Variants in NFAM1 observed in about 807,000 individuals in gnomAD.
NFAM1 encodes NFAT activating protein with ITAM motif 1.
In NFAM1, 17 loss-of-function variants were observed where a neutral mutation model predicts 29.0. The ratio of observed to expected loss-of-function variants is 0.59; its 90% CI spans 0.40 to 0.88. The LOEUF (loss-of-function observed/expected upper bound fraction) is 0.88. NFAM1 is among the 40% of genes least tolerant of loss of function. The probability of loss-of-function intolerance (pLI) is 0.00; values close to 1 mark genes in which losing one functional copy is unlikely to be tolerated. For synonymous variants in NFAM1, 175 were observed against 147.2 expected (o/e 1.19, Z -1.36); for missense variants, 324 against 344.6 (o/e 0.94, Z 0.47).
chr22:42,437,141 C>CTTTTTTTTTTT (rs566611914), upstream of NFAM1: 1 of 153,746 alleles, frequency 6.5e-6, no homozygotes. Context: ...TTCTTTTTGT[C>CTTTTTTTTTTT]TTTTTTTTTT....
chr22:42,428,066 A>G (rs1362484298), intron 1 of NFAM1, among the ~76,000 whole-genome samples: 1 of 152,244 alleles, frequency 6.6e-6, no homozygotes, highest in African/African-American at 2.4e-5. Context: ...GCAGTGAGAC[A>G]GGACCCGCTG....
intron 4 of NFAM1, among the ~76,000 whole-genome samples, chr22:42,395,106 GGAGGTT>G (rs1487871508): frequency 2.0e-5 from 3 of 151,954 alleles, no homozygotes; most frequent in Admixed American, 2.0e-4. Flanking sequence ...ACCGGGAGGT[GGAGGTT>G]GAAGTAAGCC....
intron 1 of NFAM1, among the ~76,000 whole-genome samples, chr22:42,421,679 G>A (rs1045660082): frequency 2.6e-5 from 4 of 152,134 alleles, no homozygotes; most frequent in African/African-American, 9.7e-5. Flanking sequence ...TCAAGGGCGT[G>A]AGGACCCAGA....
In NFAM1 at chr22:42,384,833, G is replaced by C. The variant is rs1195082036; in HGVS notation, c.*328C>G. The C allele has an allele frequency of 2.3e-6, 1 of 426,664 alleles. No individual in the cohort carries two copies. The highest frequency in any genetic ancestry group is 4.7e-5 in the East Asian group (1 of 21,060). The allele number at this position is 426,664 out of a possible 1,614,324, so 26.4% of individuals were successfully genotyped here. A position where few individuals can be genotyped will look rare whatever the true frequency, so the allele number is the denominator to read the frequency against. Reference sequence around the variant, plus strand: ...AGAGCATGCTGCTCTGTCAGCATGAGGCAGTGAGCAGGGCTCTGGGCAAGG... The same window carrying C: ...AGAGCATGCTGCTCTGTCAGCATGACGCAGTGAGCAGGGCTCTGGGCAAGG... On this transcript the variant is annotated 3_prime_UTR_variant, in exon 6 of 6. Transcript: ENST00000329021.
intron 5 of NFAM1, among the ~76,000 whole-genome samples, chr22:42,386,096 C>T (rs12484885): frequency 0.12 from 18,065 of 152,056 alleles, 1,397 homozygotes; most frequent in Admixed American, 0.26. Flanking sequence ...AAGTATGGGC[C>T]GGGCGCGGTG....
upstream of NFAM1, among the ~76,000 whole-genome samples, chr22:42,435,472 C>T (rs923711130): frequency 6.6e-6 from 1 of 151,960 alleles, no homozygotes; most frequent in Non-Finnish European, 1.5e-5. Flanking sequence ...CTCAGCCTCC[C>T]GAGTAGCTGG....
At chr22:42,423,303 A>T (rs1346812020) in intron 1 of NFAM1, among the ~76,000 whole-genome samples, 1 of 151,946 alleles carries the variant, frequency 6.6e-6, no homozygotes, top group South Asian at 2.1e-4. Flanking sequence ...GAGTCCAGAC[A>T]GGGGGGCCCA....
chr22:42,433,335 C>T (rs572083478), upstream of NFAM1, among the ~76,000 whole-genome samples: 4 of 152,186 alleles, frequency 2.6e-5, no homozygotes, highest in Non-Finnish European at 5.9e-5. Context: ...TGAGCGCTTA[C>T]CTCCCTTCTC....
At chr22:42,436,917 A>C, upstream of NFAM1, 1 of 674,758 alleles carries the variant, frequency 1.5e-6, no homozygotes, top group Non-Finnish European at 1.8e-6. Context: ...TATACGCCTC[A>C]GCTGACATAT....
intron 1 of NFAM1, among the ~76,000 whole-genome samples, chr22:42,417,035 C>G (rs745671019): frequency 6.6e-6 from 1 of 152,136 alleles, no homozygotes; most frequent in African/African-American, 2.4e-5. Context: ...ACCGCAAGCA[C>G]GCAGAGCCCA....
chr22:42,425,521 A>C (rs968264441), intron 1 of NFAM1, among the ~76,000 whole-genome samples: 4 of 149,966 alleles, frequency 2.7e-5, no homozygotes, highest in South Asian at 2.1e-4. Flanking sequence ...TCCCCTCCTT[A>C]CCCTTCCACT....
intron 2 of NFAM1, among the ~76,000 whole-genome samples, chr22:42,410,110 C>T (rs1601749897): frequency 6.6e-6 from 1 of 152,198 alleles, no homozygotes; most frequent in South Asian, 2.1e-4. Context: ...TTCCCCAGCA[C>T]TGCCTATTGT....
At chr22:42,394,265 C>G (rs1297324154) in intron 4 of NFAM1, among the ~76,000 whole-genome samples, 1 of 151,968 alleles carries the variant, frequency 6.6e-6, no homozygotes, top group African/African-American at 2.4e-5. Flanking sequence ...CTCAAACTCC[C>G]CACCTCAGGT....
intron 1 of NFAM1, among the ~76,000 whole-genome samples, chr22:42,416,161 T>C (rs1230049091): frequency 6.6e-6 from 1 of 152,172 alleles, no homozygotes; most frequent in African/African-American, 2.4e-5. Context: ...AGGCGGCAAC[T>C]ATTGCAACCG....
At chr22:42,433,351 G>C (rs930609355), upstream of NFAM1, among the ~76,000 whole-genome samples, 1 of 152,162 alleles carries the variant, frequency 6.6e-6, no homozygotes, top group East Asian at 1.9e-4. Context: ...TTCTCTGCAG[G>C]TGTCCCTTCA....
At chr22:42,385,559 CG>C (rs1929109168) in intron 5 of NFAM1, among the ~76,000 whole-genome samples, 2 of 152,152 alleles carry the variant, frequency 1.3e-5, no homozygotes, top group African/African-American at 4.8e-5. Context: ...ACTCTGCCTG[CG>C]GGCTCATCAT....
intron 5 of NFAM1, among the ~76,000 whole-genome samples, chr22:42,385,936 C>A (rs921751291): frequency 2.0e-5 from 3 of 152,230 alleles, no homozygotes; most frequent in African/African-American, 7.2e-5. Context: ...GGCTCCTGTT[C>A]TGGCTGAACA....
upstream of NFAM1, among the ~76,000 whole-genome samples, chr22:42,432,953 G>A (rs1348143044): frequency 6.6e-6 from 1 of 151,992 alleles, no homozygotes; most frequent in Non-Finnish European, 1.5e-5. Context: ...GAACCTCTGT[G>A]GGTCCCCTGC....
At position 42,411,612 on chromosome 22, in the gene NFAM1, G is replaced by A; in HGVS notation, c.246C>T (p.Tyr82=). 1 of 1,614,226 alleles carries A rather than the reference G, an allele frequency of 6.2e-7. No homozygotes were observed. Among genetic ancestry groups the A allele is most frequent in the Non-Finnish European group, 8.5e-7 (1 of 1,180,034 alleles). ...TCTGTCCCTGGAGATCTTCATGAAAGTAGCTGACTGTGAAAACCTTGAATT... is the reference window on the plus strand; with the variant it reads ...TCTGTCCCTGGAGATCTTCATGAAAATAGCTGACTGTGAAAACCTTGAATT... ...TPQFKVFTVS[Y]FHEDLQGQRS... The change falls in exon 2 of 6, where the codon TAC becomes TAT. Residue 82 remains tyrosine, a synonymous_variant. Coordinates refer to ENST00000329021, the MANE Select transcript of NFAM1 (RefSeq NM_145912.8).
Sources: allele counts gnomAD v4.1 joint callset (sites outside exome capture counted in the v4.1 genomes callset), GRCh38; gene constraint gnomAD v4.1.1; transcripts MANE v1.5; gene names NCBI Gene and HGNC (gene_info 2026-07-23, HGNC 2026-07-21).